Variants in C1orf21 observed in about 807,000 individuals in gnomAD.
The protein encoded by C1orf21 is uncharacterized protein C1orf21.
In C1orf21, 3 loss-of-function variants were observed where a neutral mutation model predicts 18.7. That is an observed-to-expected ratio of 0.16 (90% CI 0.07 to 0.42). The LOEUF (loss-of-function observed/expected upper bound fraction) is 0.42, where lower values mean the gene tolerates loss of function less well. Among genes scored for constraint, C1orf21 ranks in the 10% least tolerant of loss-of-function variants. The pLI is 0.99. For synonymous variants in C1orf21, 41 were observed against 46.4 expected, an observed-to-expected ratio of 0.88 and a Z score of 0.47; for missense variants, 104 against 143.6, an observed-to-expected ratio of 0.72 and a Z score of 1.41.
At chr1:184,464,587 C>G (rs899608224) in intron 1 of C1orf21, among the ~76,000 whole-genome samples, 1 of 152,184 alleles carries the variant, frequency 6.6e-6, no homozygotes, top group Non-Finnish European at 1.5e-5. Context: ...GGTTTCTGCC[C>G]TCAAAGCGCT....
chr1:184,409,042 T>A (rs1023074393), intron 1 of C1orf21, among the ~76,000 whole-genome samples: 56 of 152,248 alleles, frequency 3.7e-4, no homozygotes, highest in African/African-American at 1.3e-3. Context: ...GCTGAGAAGG[T>A]GAAATACGGG....
At chr1:184,541,955 T>C (rs1272792834) in intron 3 of C1orf21, among the ~76,000 whole-genome samples, 1 of 152,204 alleles carries the variant, frequency 6.6e-6, no homozygotes, top group Non-Finnish European at 1.5e-5. Flanking sequence ...TTTACAAGTA[T>C]AGAACTCTTG....
chr1:184,518,419 GT>G (rs1376598462), intron 3 of C1orf21, among the ~76,000 whole-genome samples: 6 of 152,164 alleles, frequency 3.9e-5, no homozygotes, highest in African/African-American at 1.4e-4. Flanking sequence ...TGGAAACAAA[GT>G]TATGGCACAG....
chr1:184,431,750 A>T lies in C1orf21; in HGVS notation c.-125+44382A>T, dbSNP rs188440692. On this transcript the variant is annotated intron_variant, in intron 1 of 5. Transcript: ENST00000235307. ...CAAAGGGCTAATATCCAGAATGTAC[A>T]GGGAACTGAAACAAATTTACAAGAA... 6.0e-4 allele frequency among the ~76,000 whole-genome samples: 91 copies of T among 152,350 alleles called. 2 individuals carry two copies. Among genetic ancestry groups the T allele is most frequent in the Admixed American group, 4.6e-4 (7 of 15,310 alleles).
At chr1:184,589,451 T>A (rs1273745054) in intron 3 of C1orf21, among the ~76,000 whole-genome samples, 1 of 152,248 alleles carries the variant, frequency 6.6e-6, no homozygotes, top group Non-Finnish European at 1.5e-5. Flanking sequence ...GGCCCTGCCC[T>A]TCTGTTGTGA....
At chr1:184,456,431 TTTAA>T (rs1473324382) in intron 1 of C1orf21, among the ~76,000 whole-genome samples, 1 of 152,220 alleles carries the variant, frequency 6.6e-6, no homozygotes, top group Non-Finnish European at 1.5e-5. Flanking sequence ...TAACTTCCTC[TTTAA>T]TTAACCAAGT....
At chr1:184,603,514 G>T (rs905143958) in intron 5 of C1orf21, among the ~76,000 whole-genome samples, 50 of 152,234 alleles carry the variant, frequency 3.3e-4, no homozygotes, top group African/African-American at 1.2e-3. Flanking sequence ...TGTTTGTTTG[G>T]CTGGGTGCAG....
chr1:184,600,253 G>C (rs2102003237), intron 5 of C1orf21, among the ~76,000 whole-genome samples: 1 of 151,766 alleles, frequency 6.6e-6, no homozygotes, highest in East Asian at 1.9e-4. Context: ...TCTGGCCTCT[G>C]CCTCCCAGGT....
intron 3 of C1orf21, among the ~76,000 whole-genome samples, chr1:184,508,975 T>G (rs969244095): frequency 1.8e-4 from 27 of 152,210 alleles, no homozygotes; most frequent in African/African-American, 6.3e-4. Flanking sequence ...TCAGTAGTCA[T>G]TTTTCTACTT....
rs191867343 is a variant in C1orf21 at position 184,407,650 on chromosome 1, A to G, written c.-125+20282A>G. Among the ~76,000 whole-genome samples, 210 of 152,300 alleles carry G rather than the reference A, an allele frequency of 1.4e-3. 3 individuals carry two copies. Among genetic ancestry groups the G allele is most frequent in the Middle Eastern group, 6.8e-3 (2 of 294 alleles). ...ATCACCTTGGATTATTTTGGTAGCT[A>G]TAATAAATCTCTTACCTGCTTGCCT... On this transcript the variant is annotated intron_variant, in intron 1 of 5. Coordinates refer to ENST00000235307, the MANE Select transcript of C1orf21 (RefSeq NM_030806.4).
chr1:184,445,127 T>G (rs1657009020), intron 1 of C1orf21, among the ~76,000 whole-genome samples: 1 of 152,156 alleles, frequency 6.6e-6, no homozygotes, highest in African/African-American at 2.4e-5. Context: ...CATGAAAAAC[T>G]TAATATGTTG....
chr1:184,544,604 A>G (rs1414433482), intron 3 of C1orf21, among the ~76,000 whole-genome samples: 1 of 152,250 alleles, frequency 6.6e-6, no homozygotes, highest in Non-Finnish European at 1.5e-5. Context: ...TACGTAGTCT[A>G]CTGCTACGAC....
At chr1:184,426,222 C>T (rs1656634776) in intron 1 of C1orf21, among the ~76,000 whole-genome samples, 1 of 152,256 alleles carries the variant, frequency 6.6e-6, no homozygotes, top group Non-Finnish European at 1.5e-5. Flanking sequence ...ATCAATTCGT[C>T]TGTCCAGGAT....
At chr1:184,485,306 TTAA>T (rs1329269876) in intron 2 of C1orf21, among the ~76,000 whole-genome samples, 1 of 152,182 alleles carries the variant, frequency 6.6e-6, no homozygotes, top group African/African-American at 2.4e-5. Flanking sequence ...AAATAGCTTA[TTAA>T]TAATTATTGA....
At chr1:184,553,511 A>C (rs907927916) in intron 3 of C1orf21, among the ~76,000 whole-genome samples, 3 of 152,316 alleles carry the variant, frequency 2.0e-5, no homozygotes, top group African/African-American at 7.2e-5. Flanking sequence ...CGTTTTACAG[A>C]AATAGGCTTA....
At chr1:184,545,330 A>G (rs910542389) in intron 3 of C1orf21, among the ~76,000 whole-genome samples, 2 of 152,228 alleles carry the variant, frequency 1.3e-5, no homozygotes, top group Non-Finnish European at 2.9e-5. Context: ...TCTTTAAGTT[A>G]TACTATTAAG....
intron 3 of C1orf21, among the ~76,000 whole-genome samples, chr1:184,570,757 G>A (rs1256126381): frequency 2.6e-5 from 4 of 152,172 alleles, no homozygotes; most frequent in Non-Finnish European, 4.4e-5. Flanking sequence ...TGAAAGTGGC[G>A]TATTCACAGT....
At chr1:184,501,452 G>A (rs1168080691) in intron 2 of C1orf21, among the ~76,000 whole-genome samples, 1 of 152,032 alleles carries the variant, frequency 6.6e-6, no homozygotes, top group Non-Finnish European at 1.5e-5. Flanking sequence ...CCAAGACTCC[G>A]CTTAACCTTG....
intron 1 of C1orf21, among the ~76,000 whole-genome samples, chr1:184,396,219 A>G (rs189199327): frequency 6.6e-6 from 1 of 152,210 alleles, no homozygotes; most frequent in Admixed American, 6.5e-5. Context: ...TCACTGAAAG[A>G]TTATAAAGAG....
Sources: allele counts gnomAD v4.1 joint callset (sites outside exome capture counted in the v4.1 genomes callset), GRCh38; gene constraint gnomAD v4.1.1; transcripts MANE v1.5; gene names NCBI Gene and HGNC (gene_info 2026-07-23, HGNC 2026-07-21).